The following ZNF521 variants were observed in gnomAD, a reference collection of about 807,000 sequenced individuals.
ZNF521 encodes the protein LYST-interacting protein 3.
A neutral mutation model predicts 105.5 loss-of-function variants in ZNF521; 14 were observed. The ratio of observed to expected loss-of-function variants is 0.13; its 90% confidence interval spans 0.09 to 0.21. ZNF521 has a LOEUF of 0.21. Among genes scored for constraint, ZNF521 ranks in the 10% least tolerant of loss-of-function variants. The pLI is 1.00. For synonymous variants in ZNF521, 635 were observed against 606.0 expected (o/e 1.05, Z -0.70); for missense variants, 1,233 against 1,629.7 (o/e 0.76, Z 4.19).
At chr18:25,323,749 C>CA (rs1437403032) in intron 2 of ZNF521, among the ~76,000 whole-genome samples, 2 of 152,314 alleles carry the variant, frequency 1.3e-5, no homozygotes, top group East Asian at 3.9e-4. Context: ...TTGCACATAG[C>CA]ACGTTTCTAT....
At position 25,227,290 on chromosome 18, in the gene ZNF521, C is replaced by G. The variant is rs1289007651; in HGVS notation, c.628G>C (p.Gly210Arg). The G allele has an allele frequency of 6.2e-7, 1 of 1,613,988 alleles. No homozygotes were observed. Among genetic ancestry groups the G allele is most frequent in the Non-Finnish European group, 8.5e-7 (1 of 1,180,022 alleles). The change falls in exon 4 of 8, where the codon GGG becomes CGG. Residue 210 changes from glycine (G) to arginine (R), a missense_variant. Gly to Arg is a moderately radical substitution (Grantham distance 125). This residue lies in a region of ZNF521 where 380 missense variants were observed against 478.0 expected (regional missense o/e 0.80). Coordinates refer to ENST00000361524, the MANE Select transcript of ZNF521 (RefSeq NM_015461.3). This position sits in a 1 kb window ranked among gnomAD's most constrained non-coding sequence, Gnocchi z 5.7. ...TGTAAGGAACTAGAGGACAGAAACC[C>G]ACGGCGACAAATGGCACATTTATAT... is the stretch of plus-strand genomic sequence containing the variant. ...KPYKCAICRR[G>R]FLSSSSLHGH...
At chr18:25,273,875 C>T (rs1909853068) in intron 3 of ZNF521, among the ~76,000 whole-genome samples, 1 of 152,076 alleles carries the variant, frequency 6.6e-6, no homozygotes, top group South Asian at 2.1e-4. Flanking sequence ...GTACAGTTTT[C>T]TATTATTAAT....
chr18:25,086,076 T>G (rs949612397), intron 7 of ZNF521, among the ~76,000 whole-genome samples: 3 of 152,088 alleles, frequency 2.0e-5, no homozygotes, highest in Non-Finnish European at 4.4e-5. Context: ...CATAAAAAAG[T>G]AGATGAGTTC....
chr18:25,265,696 C>G (rs1380868791), intron 3 of ZNF521, among the ~76,000 whole-genome samples: 4 of 152,132 alleles, frequency 2.6e-5, no homozygotes, highest in Admixed American at 6.5e-5. Context: ...GGCATATACC[C>G]AAAAGAAAGG....
intron 2 of ZNF521, among the ~76,000 whole-genome samples, chr18:25,342,007 A>G (rs2145209572): frequency 6.6e-6 from 1 of 152,320 alleles, no homozygotes; most frequent in South Asian, 2.1e-4. Context: ...TTAGTGACAG[A>G]AAGTCTAAAT....
At chr18:25,150,871 GCT>G (rs2035033355) in intron 5 of ZNF521, among the ~76,000 whole-genome samples, 1 of 150,086 alleles carries the variant, frequency 6.7e-6, no homozygotes. Flanking sequence ...GCTGGCTCCA[GCT>G]CTTTTTTTTT....
intron 5 of ZNF521, among the ~76,000 whole-genome samples, chr18:25,150,734 A>T: frequency 6.6e-6 from 1 of 152,006 alleles, no homozygotes; most frequent in South Asian, 2.1e-4. Flanking sequence ...TAACTCCTAA[A>T]TATTTCTAAA....
At chr18:25,240,112 C>T (rs1907205786) in intron 3 of ZNF521, among the ~76,000 whole-genome samples, 1 of 152,152 alleles carries the variant, frequency 6.6e-6, no homozygotes, top group South Asian at 2.1e-4. Flanking sequence ...TTAACCTCTT[C>T]TGCACTCCGT....
intron 7 of ZNF521, among the ~76,000 whole-genome samples, chr18:25,063,420 G>A (rs1041270323): frequency 6.6e-6 from 1 of 152,166 alleles, no homozygotes; most frequent in African/African-American, 2.4e-5. Flanking sequence ...GTCCCCGGAT[G>A]CTCTTTCTCA....
At chr18:25,118,792 A>G (rs113989560) in intron 5 of ZNF521, among the ~76,000 whole-genome samples, 1 of 152,136 alleles carries the variant, frequency 6.6e-6, no homozygotes, top group Non-Finnish European at 1.5e-5. Context: ...ATTAATAATT[A>G]CATCACATTA....
intron 3 of ZNF521, among the ~76,000 whole-genome samples, chr18:25,305,678 A>G (rs1911936199): frequency 2.6e-5 from 4 of 152,188 alleles, no homozygotes; most frequent in Non-Finnish European, 5.9e-5. Flanking sequence ...ATAACACATT[A>G]ATTCTTTTTG....
intron 3 of ZNF521, among the ~76,000 whole-genome samples, chr18:25,301,442 GT>G (rs1481349511): frequency 6.6e-6 from 1 of 152,084 alleles, no homozygotes; most frequent in South Asian, 2.1e-4. Context: ...AAAAACTAAA[GT>G]TTTTTAAAAA....
chr18:25,288,317 G>A (rs1283183382), intron 3 of ZNF521, among the ~76,000 whole-genome samples: 1 of 152,100 alleles, frequency 6.6e-6, no homozygotes. Context: ...AAAGATAAAT[G>A]TATTACAAGC....
chr18:25,288,156 G>T (rs544280757), intron 3 of ZNF521, among the ~76,000 whole-genome samples: 7 of 152,206 alleles, frequency 4.6e-5, no homozygotes, highest in African/African-American at 1.7e-4. Flanking sequence ...AAATCCATTT[G>T]CATCCATAGA....
chr18:25,181,057 A>G (rs938677742), intron 5 of ZNF521, among the ~76,000 whole-genome samples: 6 of 152,090 alleles, frequency 3.9e-5, no homozygotes, highest in Admixed American at 3.9e-4. Flanking sequence ...TGATTACCCT[A>G]TCCCCCAAAG....
At chr18:25,256,906 A>C (rs764109261) in intron 3 of ZNF521, among the ~76,000 whole-genome samples, 4 of 152,156 alleles carry the variant, frequency 2.6e-5, no homozygotes, top group Non-Finnish European at 5.9e-5. Context: ...TGAGCATGCC[A>C]TTGGACTGAG....
At chr18:25,216,565 G>A (rs1905335551) in intron 4 of ZNF521, among the ~76,000 whole-genome samples, 1 of 152,116 alleles carries the variant, frequency 6.6e-6, no homozygotes, top group South Asian at 2.1e-4. Flanking sequence ...ACGAAATAGG[G>A]CTTTTTTCCT....
At chr18:25,207,665 T>C (rs914926441) in intron 4 of ZNF521, among the ~76,000 whole-genome samples, 21 of 152,178 alleles carry the variant, frequency 1.4e-4, no homozygotes, top group Non-Finnish European at 2.8e-4. Context: ...GAGCTTTTTA[T>C]ATGTACACCT....
At chr18:25,178,107 C>G (rs1567996136) in intron 5 of ZNF521, among the ~76,000 whole-genome samples, 1 of 152,156 alleles carries the variant, frequency 6.6e-6, no homozygotes, top group Non-Finnish European at 1.5e-5. Flanking sequence ...CATCATAAAT[C>G]GTATTGTCAA....
Sources: allele counts gnomAD v4.1 joint callset (sites outside exome capture counted in the v4.1 genomes callset), GRCh38; gene constraint gnomAD v4.1.1; regional missense constraint gnomAD v4.1.1; non-coding constraint Gnocchi (gnomAD v3.1); transcripts MANE v1.5; gene names NCBI Gene and HGNC (gene_info 2026-07-23, HGNC 2026-07-21).